DSCAM: variants seen among roughly 807,000 people sequenced by gnomAD.
DSCAM encodes cell adhesion molecule DSCAM.
DSCAM carries 47 observed loss-of-function variants against 217.7 expected under a neutral mutation model. That is an observed-to-expected ratio of 0.22 (90% CI 0.17 to 0.28). DSCAM has a LOEUF of 0.28. DSCAM is among the 10% of genes least tolerant of loss of function. The probability of loss-of-function intolerance (pLI) is 1.00; values close to 1 mark genes in which losing one functional copy is unlikely to be tolerated. For missense variants in DSCAM, 2,080 were observed against 2,618.3 expected, an observed-to-expected ratio of 0.79 and a Z score of 4.49; for synonymous variants, 1,056 against 1,015.3, an observed-to-expected ratio of 1.04 and a Z score of -0.76.
rs781653008 is a variant in DSCAM, at chr21:40,144,773, T to C, written c.3019-42A>G. On this transcript the variant is annotated intron_variant, in intron 16 of 32. Coordinates refer to ENST00000400454, the MANE Select transcript of DSCAM (RefSeq NM_001389.5). The surrounding 1 kb of genome is among the most constrained non-coding windows in gnomAD (Gnocchi z 4.8). ...AGAACACACTAAAGAAGTCTTGAGG[T>C]AGGACAAGAGCGAAATCAACGCCCA... 1.6e-5 allele frequency: 25 copies of C among 1,610,724 alleles called. 1 individual carries two copies. The Admixed American group carries it at 4.2e-4, about 27-fold the overall frequency.
At chr21:40,293,037 A>G (rs1211504178) in intron 10 of DSCAM, among the ~76,000 whole-genome samples, 2 of 152,176 alleles carry the variant, frequency 1.3e-5, no homozygotes, top group Admixed American at 1.3e-4. Context: ...CACTTGGCCC[A>G]TTACGATATT....
At chr21:40,533,330 G>A (rs1469914660) in intron 3 of DSCAM, among the ~76,000 whole-genome samples, 2 of 152,192 alleles carry the variant, frequency 1.3e-5, no homozygotes, top group Non-Finnish European at 2.9e-5. Flanking sequence ...CAGGATATAT[G>A]TGAAAATTGT....
intron 1 of DSCAM, among the ~76,000 whole-genome samples, chr21:40,840,923 G>C (rs534015818): frequency 6.6e-6 from 1 of 152,090 alleles, no homozygotes; most frequent in African/African-American, 2.4e-5. Context: ...CTTTCACTCC[G>C]TAAGGAACAT....
At chr21:40,378,554 A>ATTTTTTT (rs71186931) in intron 3 of DSCAM, among the ~76,000 whole-genome samples, 2 of 75,650 alleles carry the variant, frequency 2.6e-5, no homozygotes, top group Non-Finnish European at 5.0e-5. Flanking sequence ...ATGAAAACTT[A>ATTTTTTT]TTTTTTTTTT....
At chr21:40,154,817 T>G (rs116119872) in intron 16 of DSCAM, among the ~76,000 whole-genome samples, 255 of 152,330 alleles carry the variant, frequency 1.7e-3, no homozygotes, top group African/African-American at 6.0e-3. Context: ...AAATGACAGA[T>G]TATTTGAAAT....
intron 3 of DSCAM, among the ~76,000 whole-genome samples, chr21:40,407,119 A>G (rs952393283): frequency 6.6e-6 from 1 of 152,210 alleles, no homozygotes; most frequent in African/African-American, 2.4e-5. Flanking sequence ...CCTGAAAATC[A>G]TTATAAGCAT....
At chr21:40,617,164 C>T (rs76454580) in intron 3 of DSCAM, among the ~76,000 whole-genome samples, 12,104 of 135,454 alleles carry the variant, frequency 0.089, 675 homozygotes, top group East Asian at 0.2. Context: ...TGCTCAGTTG[C>T]CCAGGCTGGA....
chr21:40,808,506 CT>C (rs1441425316), intron 1 of DSCAM, among the ~76,000 whole-genome samples: 7 of 144,302 alleles, frequency 4.9e-5, no homozygotes, highest in Admixed American at 2.9e-4. Context: ...CATAGTCTCT[CT>C]CTGTGACCCA....
chr21:40,649,347 C>T (rs1032955803), intron 3 of DSCAM, among the ~76,000 whole-genome samples: 1 of 152,190 alleles, frequency 6.6e-6, no homozygotes, highest in African/African-American at 2.4e-5. Flanking sequence ...GGAACCTCCA[C>T]CTCTGTCCAC....
At chr21:40,073,712 T>C (rs901696287) in intron 27 of DSCAM, among the ~76,000 whole-genome samples, 43 of 152,352 alleles carry the variant, frequency 2.8e-4, no homozygotes, top group Admixed American at 1.5e-3. Context: ...GTTTTGTCTT[T>C]CACTGGTAGC....
Position 40,038,855 on chromosome 21 carries a change from A to C in DSCAM, c.5686+3516T>G, listed in dbSNP as rs1443041896. Among the ~76,000 whole-genome samples the C allele has an allele frequency of 2.6e-5, 4 of 151,444 alleles. No individual in the cohort carries two copies. In the East Asian group the frequency reaches 7.9e-4, roughly 30 times the overall value. On this transcript the variant is annotated intron_variant, in intron 32 of 32. Transcript: ENST00000400454. ...TGCAGCCATTAAAAATGATGAGTTC[A>C]TGTCCTTTGTAGGGACATGGATGAA...
chr21:40,242,300 T>A (rs2146944288), intron 11 of DSCAM, among the ~76,000 whole-genome samples: 1 of 152,306 alleles, frequency 6.6e-6, no homozygotes, highest in South Asian at 2.1e-4. Context: ...CTGTCACATG[T>A]TTCCGCTCAT....
rs539987678 is a variant in DSCAM at position 40,308,355 on chromosome 21, C to T, written c.2062+3726G>A. ...TGCTGGGGATAGATTAGTCCTACTC[C>T]TAGGGTGTGGCATTCCTGAGATTGC... On this transcript the variant is annotated intron_variant, in intron 9 of 32. Coordinates refer to ENST00000400454, the MANE Select transcript of DSCAM (RefSeq NM_001389.5). 2.2e-3 allele frequency among the ~76,000 whole-genome samples: 337 copies of T among 152,238 alleles called. 1 individual carries two copies. Among genetic ancestry groups the T allele is most frequent in the African/African-American group, 6.9e-3 (286 of 41,556 alleles).
At chr21:40,337,600 T>G (rs1311050503) in intron 8 of DSCAM, among the ~76,000 whole-genome samples, 2 of 152,156 alleles carry the variant, frequency 1.3e-5, no homozygotes, top group African/African-American at 2.4e-5. Context: ...AAAGAATAAT[T>G]TAATGAGGAA....
chr21:40,537,906 G>A (rs886823202), intron 3 of DSCAM, among the ~76,000 whole-genome samples: 2 of 152,142 alleles, frequency 1.3e-5, no homozygotes, highest in Non-Finnish European at 2.9e-5. Flanking sequence ...AGCACCTTTC[G>A]CATTATATGA....
chr21:40,602,934 A>C (rs1471342731), intron 3 of DSCAM, among the ~76,000 whole-genome samples: 1 of 145,156 alleles, frequency 6.9e-6, no homozygotes, highest in East Asian at 2.1e-4. Context: ...ATTGATTTCA[A>C]ATCTTTTTTC....
At chr21:40,087,065 T>C in intron 22 of DSCAM, 105 bp downstream of exon 22, 1 of 836,284 alleles carries the variant, frequency 1.2e-6, no homozygotes, top group South Asian at 1.6e-5. Context: ...GAGTTTTCAC[T>C]AATATAAATA....
chr21:40,676,863 A>G (rs2090345864), intron 3 of DSCAM, among the ~76,000 whole-genome samples: 1 of 152,152 alleles, frequency 6.6e-6, no homozygotes, highest in South Asian at 2.1e-4. Context: ...TCGCTTGGAA[A>G]TCAGAACTGT....
At chr21:40,043,851 C>A (rs2088798297) in intron 31 of DSCAM, among the ~76,000 whole-genome samples, 1 of 152,232 alleles carries the variant, frequency 6.6e-6, no homozygotes, top group South Asian at 2.1e-4. Flanking sequence ...TTCAGGACAC[C>A]TGCAGAATAG....
Sources: allele counts gnomAD v4.1 joint callset (sites outside exome capture counted in the v4.1 genomes callset), GRCh38; gene constraint gnomAD v4.1.1; non-coding constraint Gnocchi (gnomAD v3.1); transcripts MANE v1.5; gene names NCBI Gene and HGNC (gene_info 2026-07-23, HGNC 2026-07-21).